SUGP1: variants seen among roughly 807,000 people sequenced by gnomAD.
The protein encoded by SUGP1 is SURP and G-patch domain containing 1.
SUGP1 carries 34 observed loss-of-function variants against 76.5 expected under a neutral mutation model. The observed-to-expected ratio is 0.44, with a 90% confidence interval of 0.34 to 0.59. The LOEUF (loss-of-function observed/expected upper bound fraction) is 0.59, where lower values mean the gene tolerates loss of function less well. Ranked by LOEUF, SUGP1 falls within the 20% of genes least tolerant of loss-of-function variation. SUGP1 has a pLI of 0.01. For missense variants in SUGP1, 752 were observed against 851.7 expected (o/e 0.88, Z 1.46); for synonymous variants, 326 against 326.2 (o/e 1.00, Z 0.01).
intron 8 of SUGP1, among the ~76,000 whole-genome samples, chr19:19,285,472 T>C (rs4808192): frequency 1 from 151,568 of 152,316 alleles, 75,413 homozygotes; most frequent in Middle Eastern, 1. Flanking sequence ...CGGCCTCAAA[T>C]AGGTTTTTTA....
chr19:19,306,061 G>C lies in SUGP1; in HGVS notation c.326C>G (p.Ala109Gly). The change falls in exon 4 of 14, where the codon GCG becomes GGG. Residue 109 changes from alanine to glycine, a missense_variant. Physicochemically the swap from Ala to Gly is moderately conservative, Grantham distance 60. This residue lies in a region of SUGP1 where 620 missense variants were observed against 617.3 expected (regional missense o/e 1.00). Transcript: ENST00000247001. ...GGGTGTGCTGGGAGGGGCGCTGGGCGCACTGGTCGGGGCGTCTGGTATAGA... is the reference window on the plus strand; with the variant it reads ...GGGTGTGCTGGGAGGGGCGCTGGGCCCACTGGTCGGGGCGTCTGGTATAGA... ...AQTSTDAPTS[A>G]PSAPPSTPTP... 6.2e-7 allele frequency: 1 copy of C among 1,602,538 alleles called. No individual in the cohort carries two copies. Among genetic ancestry groups the C allele is most frequent in the Non-Finnish European group, 8.5e-7 (1 of 1,174,840 alleles).
intron 7 of SUGP1, 88 bp downstream of exon 7, chr19:19,302,177 G>A: frequency 6.5e-7 from 1 of 1,547,674 alleles, no homozygotes. Context: ...ACCCCAGCAG[G>A]TGGCTGGACT....
chr19:19,300,985 T>C (rs1407648971), intron 7 of SUGP1, among the ~76,000 whole-genome samples: 1 of 152,178 alleles, frequency 6.6e-6, no homozygotes, highest in Non-Finnish European at 1.5e-5. Context: ...CCTTGCCTGC[T>C]TCTCCTTTGA....
At chr19:19,313,173 C>T (rs1329649027) in intron 2 of SUGP1, among the ~76,000 whole-genome samples, 1 of 152,056 alleles carries the variant, frequency 6.6e-6, no homozygotes, top group Middle Eastern at 3.4e-3. Context: ...GCAGGCGGAT[C>T]ACCTGAGGTC....
At chr19:19,314,031 G>A (rs939813817) in intron 2 of SUGP1, among the ~76,000 whole-genome samples, 1 of 152,062 alleles carries the variant, frequency 6.6e-6, no homozygotes, top group African/African-American at 2.4e-5. Flanking sequence ...CCAGCTACTC[G>A]GGAGGCTGAG....
chr19:19,319,155 G>A (rs2061417712), intron 1 of SUGP1, among the ~76,000 whole-genome samples: 1 of 152,148 alleles, frequency 6.6e-6, no homozygotes. Flanking sequence ...CCGGGAGGTA[G>A]AGGTTGCAGT....
At position 19,297,764 on chromosome 19, in the gene SUGP1, C is replaced by G. The variant is rs2061239728; in HGVS notation, c.888-420G>C. ...ACTTGTCTTGATCCCAAGGGCTTCTCAAATGCATCTTTGAGACAATGAACA... is the reference window on the plus strand; with the variant it reads ...ACTTGTCTTGATCCCAAGGGCTTCTGAAATGCATCTTTGAGACAATGAACA... On this transcript the variant is annotated intron_variant, in intron 7 of 13. Coordinates refer to ENST00000247001, the MANE Select transcript of SUGP1 (RefSeq NM_172231.4). Among the ~76,000 whole-genome samples the G allele has an allele frequency of 2.0e-5, 3 of 152,216 alleles. No individual in the cohort carries two copies. The South Asian group carries it at 6.2e-4, about 32-fold the overall frequency.
chr19:19,294,537 G>C (rs1477025211), intron 8 of SUGP1, among the ~76,000 whole-genome samples: 1 of 144,062 alleles, frequency 6.9e-6, no homozygotes, highest in Non-Finnish European at 1.5e-5. Context: ...ACCCAAAATA[G>C]GCTAAAGACC....
chr19:19,285,883 C>A (rs1568620801), intron 8 of SUGP1, among the ~76,000 whole-genome samples: 1 of 152,158 alleles, frequency 6.6e-6, no homozygotes, highest in Non-Finnish European at 1.5e-5. Flanking sequence ...GAACTTAAGG[C>A]AGGATAACGC....
At chr19:19,281,499 A>C (rs1179354629) in intron 8 of SUGP1, 1 of 152,294 alleles carries the variant, frequency 6.6e-6, no homozygotes, top group East Asian at 1.9e-4. Context: ...AGAATCTCTG[A>C]GGCCCTTGGG....
At chr19:19,304,966 C>T (rs904666327) in intron 4 of SUGP1, among the ~76,000 whole-genome samples, 9 of 152,158 alleles carry the variant, frequency 5.9e-5, no homozygotes, top group Admixed American at 5.9e-4. Flanking sequence ...GCCATGCAGA[C>T]AGTGGGTCAT....
At position 19,280,174 on chromosome 19, in the gene SUGP1, C is replaced by A. The variant is rs368870788; in HGVS notation, c.1350+11G>T. The stretch of plus-strand genomic sequence containing the variant: ...GACCATGTCCCCGTCCCCTTGTCCC[C>A]GCAGTCTTACCTCCTGCTGCTCCTT... On this transcript the variant is annotated intron_variant, in intron 9 of 13. Transcript: ENST00000247001. 1 of 1,612,790 alleles carries A rather than the reference C, an allele frequency of 6.2e-7. No homozygotes were observed. Among genetic ancestry groups the A allele is most frequent in the Non-Finnish European group, 8.5e-7 (1 of 1,179,228 alleles).
chr19:19,307,546 C>T (rs1337588993), intron 3 of SUGP1, among the ~76,000 whole-genome samples: 23 of 152,102 alleles, frequency 1.5e-4, no homozygotes, highest in Admixed American at 1.3e-3. Context: ...TCTGAAACTA[C>T]GGCACACACT....
chr19:19,292,272 CAAAAAAAA>C (rs543248625), intron 8 of SUGP1, among the ~76,000 whole-genome samples: 3 of 61,152 alleles, frequency 4.9e-5, no homozygotes. Flanking sequence ...GACTCCGTCT[CAAAAAAAA>C]AAAAAAAAAA....
chr19:19,296,562 G>C (rs1000149750), intron 8 of SUGP1, among the ~76,000 whole-genome samples: 1 of 151,912 alleles, frequency 6.6e-6, no homozygotes, highest in Non-Finnish European at 1.5e-5. Context: ...CAGGAGAATG[G>C]TGTGAACCCA....
chr19:19,304,048 G>C (rs766725529), intron 4 of SUGP1: 1 of 1,561,152 alleles, frequency 6.4e-7, no homozygotes, highest in Non-Finnish European at 8.6e-7. Flanking sequence ...GACACACTAG[G>C]TGGGAGAGAA....
In SUGP1 at chr19:19,303,734, G is replaced by T. The variant is rs2061291723; in HGVS notation, c.652C>A (p.Pro218Thr). 1.9e-6 allele frequency: 3 copies of T among 1,614,132 alleles called. No homozygotes were observed. Among genetic ancestry groups the T allele is most frequent in the Non-Finnish European group, 2.5e-6 (3 of 1,180,032 alleles). The change falls in exon 5 of 14, where the codon CCA (proline) becomes ACA (threonine). Residue 218 changes from proline (P) to threonine (T), a missense_variant. By Grantham distance (38) the Pro-to-Thr change is conservative. This residue lies in a region of SUGP1 where 620 missense variants were observed against 617.3 expected (regional missense o/e 1.00). Transcript: ENST00000247001. ...KVAMEDYKDN[P>T]AFAFLHDKNS... ...CCCGGAGATACTCACGCAAATGCTG[G>T]GTTATCCTTGTAGTCCTCCATAGCT...
In SUGP1 at chr19:19,303,949, G is replaced by A. The variant is rs549733015; in HGVS notation, c.539-102C>T. On this transcript the variant is annotated intron_variant, in intron 4 of 13. Coordinates refer to ENST00000247001, the MANE Select transcript of SUGP1 (RefSeq NM_172231.4). The stretch of plus-strand genomic sequence containing the variant: ...AACGACAGAGGGGGTGGGGGGAGAA[G>A]AGTGTGAGATGCAGGAGGCTGTCGG... The A allele has an allele frequency of 2.4e-5, 38 of 1,601,026 alleles. No individual in the cohort carries two copies. In the South Asian group the frequency reaches 3.9e-4, roughly 16 times the overall value.
intron 2 of SUGP1, among the ~76,000 whole-genome samples, chr19:19,313,679 A>G (rs1270505217): frequency 6.6e-6 from 1 of 152,134 alleles, no homozygotes; most frequent in Non-Finnish European, 1.5e-5. Context: ...ACTGTACTGC[A>G]GCCTGGGTGA....
Sources: gnomAD v4.1 joint callset for allele counts (sites outside exome capture counted in the v4.1 genomes callset) on GRCh38, gnomAD v4.1.1 for gene constraint, gnomAD v4.1.1 regional missense constraint, MANE v1.5 for transcripts, NCBI Gene and HGNC (gene_info 2026-07-23, HGNC 2026-07-21) for gene names.